The following GRAMD1C variants were observed in gnomAD, a reference collection of about 807,000 sequenced individuals.
GRAMD1C encodes the protein GRAM domain containing 1C.
In GRAMD1C, 89 loss-of-function variants were observed where a neutral mutation model predicts 97.8. That is an observed-to-expected ratio of 0.91 (90% CI 0.77 to 1.09). GRAMD1C has a LOEUF of 1.09. Ranked by LOEUF, GRAMD1C falls within the 50% of genes least tolerant of loss-of-function variation. GRAMD1C has a pLI of 0.00. For synonymous variants in GRAMD1C, 256 were observed against 267.0 expected, an observed-to-expected ratio of 0.96 and a Z score of 0.40; for missense variants, 740 against 766.4, an observed-to-expected ratio of 0.97 and a Z score of 0.41.
At chr3:113,910,568 T>C (rs1936531555) in intron 9 of GRAMD1C, among the ~76,000 whole-genome samples, 1 of 152,232 alleles carries the variant, frequency 6.6e-6, no homozygotes, top group Admixed American at 6.5e-5. Flanking sequence ...AATCCATGTG[T>C]ACATGAGGTC....
At position 113,876,258 on chromosome 3, in the gene GRAMD1C, A is replaced by G; in HGVS notation, c.457A>G (p.Lys153Glu). 6.5e-7 allele frequency: 1 copy of G among 1,537,902 alleles called. No homozygotes were observed. Among genetic ancestry groups the G allele is most frequent in the Non-Finnish European group, 9.0e-7 (1 of 1,112,622 alleles). The change falls in exon 5 of 18, where the codon AAG becomes GAG. Residue 153 changes from lysine to glutamate, a missense_variant and splice_region_variant. Coordinates refer to ENST00000358160, the MANE Select transcript of GRAMD1C (RefSeq NM_017577.5). ...TATCCAGATAGTTACAGAAAGTGAA[A>G]AGGTGAAAACTTTCCTATCTTTGTT... ...NAIQIVTESE[K>E]FFFTSFGARD...
At chr3:113,903,009 A>C (rs997606671) in intron 7 of GRAMD1C, among the ~76,000 whole-genome samples, 1 of 150,088 alleles carries the variant, frequency 6.7e-6, no homozygotes, top group Admixed American at 6.7e-5. Context: ...CTCTGTCACC[A>C]GGCTGGAGTG....
intron 12 of GRAMD1C, 114 bp from the exon 13 acceptor site, chr3:113,934,315 TTAA>T (rs1176466247): frequency 1.6e-6 from 1 of 616,170 alleles, no homozygotes; most frequent in Non-Finnish European, 2.9e-6. Context: ...TTTTATGATA[TTAA>T]TGACTTTGAA....
At chr3:113,878,434 G>T (rs1935131993) in intron 5 of GRAMD1C, among the ~76,000 whole-genome samples, 1 of 152,152 alleles carries the variant, frequency 6.6e-6, no homozygotes. Flanking sequence ...TGTGTTCATT[G>T]CTATGGAGTT....
At chr3:113,858,617 A>T (rs928332428) in intron 2 of GRAMD1C, among the ~76,000 whole-genome samples, 3 of 152,014 alleles carry the variant, frequency 2.0e-5, no homozygotes, top group African/African-American at 7.2e-5. Flanking sequence ...GATGGTCTCC[A>T]TCTCCTGACC....
At chr3:113,874,727 A>G (rs1213540379) in intron 3 of GRAMD1C, among the ~76,000 whole-genome samples, 1 of 152,128 alleles carries the variant, frequency 6.6e-6, no homozygotes, top group Non-Finnish European at 1.5e-5. Flanking sequence ...ACTTTTGTCT[A>G]ACATCTAATC....
intron 10 of GRAMD1C, among the ~76,000 whole-genome samples, chr3:113,922,074 C>T (rs547429840): frequency 7.4e-5 from 11 of 148,728 alleles, no homozygotes; most frequent in African/African-American, 2.7e-4. Context: ...AATTTTCTTT[C>T]TTTTTTTTTT....
intron 2 of GRAMD1C, among the ~76,000 whole-genome samples, chr3:113,865,066 G>C (rs894295899): frequency 2.6e-5 from 4 of 152,106 alleles, no homozygotes; most frequent in Non-Finnish European, 5.9e-5. Context: ...GGTCTCATCC[G>C]GCCAGGGTCT....
intron 10 of GRAMD1C, among the ~76,000 whole-genome samples, chr3:113,924,669 G>A (rs199573144): frequency 6.6e-6 from 1 of 152,204 alleles, no homozygotes; most frequent in Non-Finnish European, 1.5e-5. Context: ...CATTTGCTTA[G>A]AATTGTTTAA....
intron 5 of GRAMD1C, among the ~76,000 whole-genome samples, chr3:113,876,462 CA>C (rs1293591522): frequency 1.3e-5 from 2 of 152,118 alleles, no homozygotes; most frequent in African/African-American, 4.8e-5. Flanking sequence ...TTATAGTTTA[CA>C]GATAACTTTC....
chr3:113,909,391 A>G (rs1400497381), intron 9 of GRAMD1C, among the ~76,000 whole-genome samples: 2 of 152,220 alleles, frequency 1.3e-5, no homozygotes, highest in African/African-American at 4.8e-5. Context: ...TGCCCATTCT[A>G]TATACCAGGC....
rs144329273 is a variant in GRAMD1C at position 113,857,597 on chromosome 3, C to T, written c.175-11910C>T. ...TTCACCGTGTTAGCCAGGATGGTCT[C>T]GATCGCCTGACCTCGTGATCCTCCC... On this transcript the variant is annotated intron_variant, in intron 2 of 17. Coordinates refer to ENST00000358160, the MANE Select transcript of GRAMD1C (RefSeq NM_017577.5). Among the ~76,000 whole-genome samples, 687 of 152,130 alleles carry T rather than the reference C, an allele frequency of 4.5e-3. 6 individuals are homozygous for T. The highest frequency in any genetic ancestry group is 0.016 in the African/African-American group (650 of 41,502).
intron 2 of GRAMD1C, chr3:113,850,564 A>C (rs1462498087): frequency 6.2e-7 from 1 of 1,603,428 alleles, no homozygotes; most frequent in Non-Finnish European, 8.5e-7. Context: ...TCCTTCACGT[A>C]GCCTCAGGAC....
chr3:113,846,984 T>C (rs1186517867), intron 2 of GRAMD1C, among the ~76,000 whole-genome samples: 1 of 152,188 alleles, frequency 6.6e-6, no homozygotes, highest in Non-Finnish European at 1.5e-5. Flanking sequence ...AGACCCCATA[T>C]AGCTAAATCA....
At chr3:113,902,524 A>G (rs536108429) in intron 7 of GRAMD1C, among the ~76,000 whole-genome samples, 10 of 152,352 alleles carry the variant, frequency 6.6e-5, no homozygotes, top group South Asian at 2.1e-4. Flanking sequence ...TTTCTCGTCT[A>G]TGAAATGAGG....
At chr3:113,855,714 AAAAG>A (rs1296530191) in intron 2 of GRAMD1C, among the ~76,000 whole-genome samples, 3 of 151,912 alleles carry the variant, frequency 2.0e-5, no homozygotes, top group Admixed American at 1.3e-4. Flanking sequence ...AGAAAAAAAA[AAAAG>A]AAAGAAAAAA....
chr3:113,862,200 T>A (rs1934404058), intron 2 of GRAMD1C, among the ~76,000 whole-genome samples: 2 of 152,118 alleles, frequency 1.3e-5, no homozygotes, highest in South Asian at 2.1e-4. Flanking sequence ...AGACAACCAG[T>A]CTGACCAAAA....
chr3:113,901,341 A>G (rs575536168), intron 7 of GRAMD1C, among the ~76,000 whole-genome samples, 195 bp downstream of exon 7: 41 of 152,218 alleles, frequency 2.7e-4, no homozygotes. Flanking sequence ...TATGAGATAT[A>G]TAAGGAAATG....
upstream of GRAMD1C, among the ~76,000 whole-genome samples, chr3:113,835,379 TCAGC>T: frequency 6.6e-6 from 1 of 152,368 alleles, no homozygotes; most frequent in South Asian, 2.1e-4. Context: ...TCAATGCTCT[TCAGC>T]CAAAGTCCAG....
Sources: gnomAD v4.1 joint callset for allele counts (sites outside exome capture counted in the v4.1 genomes callset) on GRCh38, gnomAD v4.1.1 for gene constraint, MANE v1.5 for transcripts, NCBI Gene and HGNC (gene_info 2026-07-23, HGNC 2026-07-21) for gene names.